The following REDIC1 variants were observed in gnomAD, a reference collection of about 807,000 sequenced individuals.
REDIC1 encodes the protein regulator of DNA class I crossover intermediates 1.
chr12:39,640,995 G>A, the REDIC1 span: 1 of 1,609,062 alleles, frequency 6.2e-7, no homozygotes, highest in South Asian at 1.1e-5. Context: ...AAAGCAAAAG[G>A]TAAAGAAAAA....
the REDIC1 span, chr12:39,756,371 T>TAA: frequency 3.3e-5 from 5 of 151,882 alleles, no homozygotes; most frequent in Admixed American, 1.3e-4. Context: ...AACAAGTGAA[T>TAA]AAAAGTCAGT....
At chr12:39,729,430 C>G in the REDIC1 span, among the ~76,000 whole-genome samples, 1 of 152,168 alleles carries the variant, frequency 6.6e-6, no homozygotes, top group African/African-American at 2.4e-5. Flanking sequence ...AGTAGGCATT[C>G]AGGAGCAGGT....
chr12:39,671,951 T>C, the REDIC1 span, among the ~76,000 whole-genome samples: 1 of 151,916 alleles, frequency 6.6e-6, no homozygotes, highest in African/African-American at 2.4e-5. Context: ...CCCCAGGAGG[T>C]ATGCTTGGGC....
chr12:39,666,809 C>G, the REDIC1 span, among the ~76,000 whole-genome samples: 1 of 152,082 alleles, frequency 6.6e-6, no homozygotes, highest in Non-Finnish European at 1.5e-5. Context: ...GTGTATGTGT[C>G]GAGGAATTTA....
chr12:39,829,298 T>G, the REDIC1 span: 9 of 151,466 alleles, frequency 5.9e-5, no homozygotes, highest in Non-Finnish European at 1.2e-4. Context: ...TACCAAATTT[T>G]ATCCTTATTT....
the REDIC1 span, among the ~76,000 whole-genome samples, chr12:39,888,279 C>T: frequency 6.6e-6 from 1 of 152,132 alleles, no homozygotes; most frequent in Non-Finnish European, 1.5e-5. Context: ...GGCTGGAGTG[C>T]AGTGGTGTGA....
chr12:39,774,716 T>C, the REDIC1 span, among the ~76,000 whole-genome samples: 1 of 152,042 alleles, frequency 6.6e-6, no homozygotes, highest in Non-Finnish European at 1.5e-5. Context: ...AATTAAATCA[T>C]AGATATGGGT....
At chr12:39,899,460 T>G in the REDIC1 span, among the ~76,000 whole-genome samples, 1 of 152,080 alleles carries the variant, frequency 6.6e-6, no homozygotes, top group Non-Finnish European at 1.5e-5. Flanking sequence ...TTTTAAAGGG[T>G]TTTTTGTGTC....
chr12:39,826,742 CAT>C, the REDIC1 span, among the ~76,000 whole-genome samples: 13 of 150,020 alleles, frequency 8.7e-5, no homozygotes, highest in South Asian at 4.2e-4. Context: ...AATTATAACA[CAT>C]ATATATGTCA....
the REDIC1 span, among the ~76,000 whole-genome samples, chr12:39,803,004 T>A: frequency 2.0e-5 from 3 of 152,258 alleles, no homozygotes; most frequent in Non-Finnish European, 4.4e-5. Context: ...GTATCTTCCA[T>A]GGGCCCCTTG....
chr12:39,767,560 T>C, the REDIC1 span, among the ~76,000 whole-genome samples: 5 of 152,154 alleles, frequency 3.3e-5, no homozygotes, highest in South Asian at 8.3e-4. Flanking sequence ...TGACTTCTCC[T>C]CTCTAGCTAT....
chr12:39,871,937 C>G, the REDIC1 span: 1 of 1,607,928 alleles, frequency 6.2e-7, no homozygotes, highest in Non-Finnish European at 8.5e-7. Flanking sequence ...CACCAGACAT[C>G]TGCAGAATGG....
chr12:39,764,939 T>G, the REDIC1 span: 4 of 1,485,668 alleles, frequency 2.7e-6, no homozygotes, highest in East Asian at 9.2e-5. Flanking sequence ...TATTTATGTA[T>G]TTGGAAATTC....
At chr12:39,775,656 C>G in the REDIC1 span, among the ~76,000 whole-genome samples, 1 of 152,300 alleles carries the variant, frequency 6.6e-6, no homozygotes, top group East Asian at 1.9e-4. Context: ...AACAAGATGT[C>G]ACAAAGTTGG....
the REDIC1 span, among the ~76,000 whole-genome samples, chr12:39,740,213 AATAAAAATCTTCCTAATGCT>A: frequency 6.6e-6 from 1 of 152,380 alleles, no homozygotes; most frequent in East Asian, 1.9e-4. Context: ...TATGCCAGTT[AATAAAAATCTTCCTAATGCT>A]TTAGAGTTGG....
At chr12:39,671,623 G>A in the REDIC1 span, among the ~76,000 whole-genome samples, 3 of 152,098 alleles carry the variant, frequency 2.0e-5, no homozygotes, top group East Asian at 1.9e-4. Flanking sequence ...GTGGTGGGAC[G>A]GACAACCCTC....
chr12:39,870,495 C>G, the REDIC1 span, among the ~76,000 whole-genome samples: 1 of 152,188 alleles, frequency 6.6e-6, no homozygotes, highest in South Asian at 2.1e-4. Flanking sequence ...TCTGTGTCCT[C>G]ATAACATCTA....
At chr12:39,642,456 A>G in the REDIC1 span, among the ~76,000 whole-genome samples, 1 of 151,496 alleles carries the variant, frequency 6.6e-6, no homozygotes, top group Non-Finnish European at 1.5e-5. Flanking sequence ...ATCCCCAAAC[A>G]ATAATTTCCA....
chr12:39,699,542 C>G, the REDIC1 span, among the ~76,000 whole-genome samples: 1 of 152,216 alleles, frequency 6.6e-6, no homozygotes, highest in African/African-American at 2.4e-5. Context: ...CCGCCATTGC[C>G]CAGGCTTGCT....
Sources: allele counts gnomAD v4.1 joint callset (sites outside exome capture counted in the v4.1 genomes callset), GRCh38; gene constraint gnomAD v4.1.1; transcripts MANE v1.5; gene names NCBI Gene and HGNC (gene_info 2026-07-23, HGNC 2026-07-21).